TAOK1: variants seen among roughly 807,000 people sequenced by gnomAD.
The protein encoded by TAOK1 is TAO kinase 1, also known as serine/threonine-protein kinase TAO1.
Under a neutral mutation model 138.3 loss-of-function variants are expected in TAOK1, and 21 were observed. That is an observed-to-expected ratio of 0.15 (90% CI 0.11 to 0.22). TAOK1 has a LOEUF of 0.22. Ranked by LOEUF, TAOK1 falls within the 10% of genes least tolerant of loss-of-function variation. TAOK1 has a pLI of 1.00. For missense variants in TAOK1, 651 were observed against 1,227.7 expected, an observed-to-expected ratio of 0.53 and a Z score of 7.02; for synonymous variants, 361 against 398.4, an observed-to-expected ratio of 0.91 and a Z score of 1.12.
chr17:29,395,975 C>T (rs995149336), intron 1 of TAOK1, among the ~76,000 whole-genome samples: 12 of 151,628 alleles, frequency 7.9e-5, no homozygotes, highest in East Asian at 1.9e-4. Flanking sequence ...GCCCGATTTC[C>T]GTACTTACTA....
chr17:29,499,351 C>T (rs1367980578), intron 12 of TAOK1, among the ~76,000 whole-genome samples: 4 of 151,206 alleles, frequency 2.6e-5, no homozygotes, highest in Admixed American at 2.6e-4. Flanking sequence ...CCTGCCTCAG[C>T]CTCCTGAGTA....
chr17:29,391,619 C>T (rs1567704660), intron 1 of TAOK1, among the ~76,000 whole-genome samples: 1 of 152,168 alleles, frequency 6.6e-6, no homozygotes, highest in Admixed American at 6.5e-5. Flanking sequence ...GAAGTAATGG[C>T]GCTTCCCTTG....
chr17:29,503,395 C>CAAAAAAA (rs5819870), intron 13 of TAOK1, among the ~76,000 whole-genome samples: 1 of 84,994 alleles, frequency 1.2e-5, no homozygotes, highest in Non-Finnish European at 2.2e-5. Context: ...GACTCTGTCT[C>CAAAAAAA]AAAAAAAAAA....
Position 29,428,992 on chromosome 17 carries a change from A to G in TAOK1, c.-94-22463A>G, listed in dbSNP as rs1905739204. Reference sequence around the variant, plus strand: ...ATATAGCGAGAAGTCAATGAGTGTTAATTCCCTTCCCTATTAAACAGAAAA... The same window carrying G: ...ATATAGCGAGAAGTCAATGAGTGTTGATTCCCTTCCCTATTAAACAGAAAA... On this transcript the variant is annotated intron_variant, in intron 1 of 19. Coordinates refer to ENST00000261716, the MANE Select transcript of TAOK1 (RefSeq NM_020791.4). Among the ~76,000 whole-genome samples the G allele has an allele frequency of 4.6e-5, 7 of 152,176 alleles. No individual in the cohort carries two copies. In the South Asian group the frequency reaches 1.5e-3, roughly 32 times the overall value.
chr17:29,539,245 A>G (rs2032273842), intron 19 of TAOK1, among the ~76,000 whole-genome samples: 1 of 152,192 alleles, frequency 6.6e-6, no homozygotes, highest in African/African-American at 2.4e-5. Context: ...CCTGGGCAAC[A>G]GACCAGACCC....
At chr17:29,438,977 T>C (rs1239750438) in intron 1 of TAOK1, among the ~76,000 whole-genome samples, 1 of 152,178 alleles carries the variant, frequency 6.6e-6, no homozygotes, top group Non-Finnish European at 1.5e-5. Flanking sequence ...ATTAACTTAT[T>C]GCCCTATAAC....
chr17:29,470,575 C>G (rs76993323), intron 3 of TAOK1, among the ~76,000 whole-genome samples: 2,264 of 152,042 alleles, frequency 0.015, 53 homozygotes, highest in African/African-American at 0.052. Context: ...AGAAAAATCA[C>G]TGAATATGGT....
chr17:29,465,128 ATTTTTTT>A (rs57794003), intron 2 of TAOK1, among the ~76,000 whole-genome samples: 12 of 63,154 alleles, frequency 1.9e-4, no homozygotes, highest in African/African-American at 6.1e-4. Flanking sequence ...GTCTTATTTA[ATTTTTTT>A]TTTTTTTTTT....
At chr17:29,530,184 C>A (rs942516210) in intron 17 of TAOK1, among the ~76,000 whole-genome samples, 1 of 152,100 alleles carries the variant, frequency 6.6e-6, no homozygotes, top group Non-Finnish European at 1.5e-5. Flanking sequence ...TGTTTATGCC[C>A]TAATGTTTTA....
intron 12 of TAOK1, among the ~76,000 whole-genome samples, chr17:29,499,644 C>G (rs1567736085): frequency 6.7e-6 from 1 of 149,746 alleles, no homozygotes; most frequent in Non-Finnish European, 1.5e-5. Flanking sequence ...ACTGCAACCT[C>G]TGCCTCCTGT....
intron 18 of TAOK1, 54 bp from the exon 19 acceptor site, chr17:29,534,064 G>T: frequency 1.3e-6 from 2 of 1,491,704 alleles, no homozygotes; most frequent in South Asian, 1.5e-5. Flanking sequence ...GTCATGAATT[G>T]ATAGCTAACA....
At chr17:29,518,601 C>A (rs1368739874) in intron 16 of TAOK1, among the ~76,000 whole-genome samples, 1 of 152,170 alleles carries the variant, frequency 6.6e-6, no homozygotes, top group Non-Finnish European at 1.5e-5. Context: ...TTGTTCCTGA[C>A]TCCCTCACTA....
At chr17:29,537,532 G>T (rs1368378147) in intron 19 of TAOK1, among the ~76,000 whole-genome samples, 1 of 147,368 alleles carries the variant, frequency 6.8e-6, no homozygotes, top group Non-Finnish European at 1.5e-5. Flanking sequence ...TTTGGAGGGG[G>T]CAAGGATAGA....
chr17:29,498,217 G>T, intron 11 of TAOK1, 101 bp from the exon 12 acceptor site: 4 of 1,199,036 alleles, frequency 3.3e-6, no homozygotes, highest in East Asian at 2.4e-5. Context: ...AACTTTCTGA[G>T]ACTGTCTGCC....
At chr17:29,425,206 A>G (rs1023902262) in intron 1 of TAOK1, among the ~76,000 whole-genome samples, 1 of 152,148 alleles carries the variant, frequency 6.6e-6, no homozygotes, top group African/African-American at 2.4e-5. Flanking sequence ...AGTAGCTGGG[A>G]TTACAGACAC....
At position 29,532,308 on chromosome 17, in the gene TAOK1, T is replaced by A. The variant is rs542956744; in HGVS notation, c.2361+1689T>A. 3.3e-5 allele frequency among the ~76,000 whole-genome samples: 5 copies of A among 151,938 alleles called. No homozygotes were observed. In the South Asian group the frequency reaches 6.2e-4, roughly 19 times the overall value. On this transcript the variant is annotated intron_variant, in intron 18 of 19. Coordinates refer to ENST00000261716, the MANE Select transcript of TAOK1 (RefSeq NM_020791.4). Reference sequence around the variant, plus strand: ...TTATTTCCACTAGAGAGGAAGAGATTCAGAGATCTAATGAGATTCTAGGTT... The same window carrying A: ...TTATTTCCACTAGAGAGGAAGAGATACAGAGATCTAATGAGATTCTAGGTT...
At chr17:29,506,216 G>A (rs2031627442) in intron 13 of TAOK1, among the ~76,000 whole-genome samples, 1 of 152,158 alleles carries the variant, frequency 6.6e-6, no homozygotes. Context: ...ATCAACCTAA[G>A]TGCCTATCAG....
At chr17:29,468,082 C>T (rs1022373171) in intron 3 of TAOK1, among the ~76,000 whole-genome samples, 7 of 148,648 alleles carry the variant, frequency 4.7e-5, no homozygotes, top group Non-Finnish European at 1.0e-4. Context: ...CTGCCTTGGC[C>T]TCCCAAAATG....
intron 1 of TAOK1, among the ~76,000 whole-genome samples, chr17:29,428,364 C>T (rs1905715253): frequency 6.6e-6 from 1 of 152,078 alleles, no homozygotes; most frequent in Admixed American, 6.6e-5. Flanking sequence ...GAGACCTAAA[C>T]AAAAAGTAGT....
Sources: allele counts gnomAD v4.1 joint callset (sites outside exome capture counted in the v4.1 genomes callset), GRCh38; gene constraint gnomAD v4.1.1; transcripts MANE v1.5; gene names NCBI Gene and HGNC (gene_info 2026-07-23, HGNC 2026-07-21).